The following AFG1L variants were observed in gnomAD, a reference collection of about 807,000 sequenced individuals.
AFG1L encodes the protein AFG1-like ATPase.
A neutral mutation model predicts 62.2 loss-of-function variants in AFG1L; 53 were observed. The observed-to-expected ratio is 0.85, with a 90% CI of 0.68 to 1.07. The LOEUF (loss-of-function observed/expected upper bound fraction) is 1.07. Ranked by LOEUF, AFG1L falls within the 50% of genes least tolerant of loss-of-function variation. AFG1L has a pLI of 0.00. For missense variants in AFG1L, 555 were observed against 590.5 expected (o/e 0.94, Z 0.62); for synonymous variants, 228 against 210.3 (o/e 1.08, Z -0.73).
At chr6:108,327,876 T>C (rs1472407935) in intron 2 of AFG1L, among the ~76,000 whole-genome samples, 1 of 152,212 alleles carries the variant, frequency 6.6e-6, no homozygotes, top group Non-Finnish European at 1.5e-5. Context: ...AGCTTTCACA[T>C]TGGGTTTCTT....
At chr6:108,469,352 A>G (rs1772796796) in intron 8 of AFG1L, among the ~76,000 whole-genome samples, 1 of 152,078 alleles carries the variant, frequency 6.6e-6, no homozygotes, top group African/African-American at 2.4e-5. Context: ...AGGATTTTAT[A>G]CAACTCAAGG....
chr6:108,422,713 G>A (rs1171365790), intron 7 of AFG1L, among the ~76,000 whole-genome samples: 5 of 151,774 alleles, frequency 3.3e-5, no homozygotes, highest in African/African-American at 7.2e-5. Context: ...TCAGGTTTCC[G>A]TCTAATTAAT....
In AFG1L at chr6:108,461,678, C is replaced by T. The variant is rs1772466883; in HGVS notation, c.890+14382C>T. On this transcript the variant is annotated intron_variant, in intron 8 of 12. Coordinates refer to ENST00000368977, the MANE Select transcript of AFG1L (RefSeq NM_145315.5). Reference sequence around the variant, plus strand: ...TTTACTGTGTTGCCCAGGCTGGTCTCAAATTCTTGGCCTCAAGCAATCCAC... The same window carrying T: ...TTTACTGTGTTGCCCAGGCTGGTCTTAAATTCTTGGCCTCAAGCAATCCAC... Among the ~76,000 whole-genome samples the T allele has an allele frequency of 2.0e-5, 3 of 152,160 alleles. No individual in the cohort carries two copies. In the South Asian group the frequency reaches 6.2e-4, roughly 32 times the overall value.
chr6:108,403,102 A>G (rs1781702253), intron 7 of AFG1L, among the ~76,000 whole-genome samples: 1 of 152,322 alleles, frequency 6.6e-6, no homozygotes, highest in East Asian at 1.9e-4. Context: ...AATGGATAAT[A>G]GAATTATGAA....
chr6:108,459,272 G>T (rs780151258), intron 8 of AFG1L, among the ~76,000 whole-genome samples: 1 of 152,104 alleles, frequency 6.6e-6, no homozygotes, highest in African/African-American at 2.4e-5. Context: ...TTCTAGCTGT[G>T]CTAGCCTCCC....
chr6:108,424,892 T>C (rs1770746024), intron 7 of AFG1L, among the ~76,000 whole-genome samples: 1 of 152,128 alleles, frequency 6.6e-6, no homozygotes, highest in African/African-American at 2.4e-5. Flanking sequence ...TTGTTTTCTT[T>C]ATATAAATGT....
intron 8 of AFG1L, among the ~76,000 whole-genome samples, chr6:108,471,197 G>C (rs1428835063): frequency 6.6e-6 from 1 of 152,104 alleles, no homozygotes; most frequent in Non-Finnish European, 1.5e-5. Flanking sequence ...TCTTTCTTGA[G>C]GGTGAGATTT....
At chr6:108,520,105 T>C (rs1775066485) in intron 12 of AFG1L, 1 of 241,288 alleles carries the variant, frequency 4.1e-6, no homozygotes, top group Non-Finnish European at 8.2e-6. Flanking sequence ...TGCTGAATAA[T>C]GGCAGGCCAG....
At chr6:108,508,945 G>A (rs1289113151) in intron 10 of AFG1L, among the ~76,000 whole-genome samples, 2 of 152,196 alleles carry the variant, frequency 1.3e-5, no homozygotes, top group Admixed American at 6.5e-5. Context: ...CTGTGTCCTA[G>A]AGGTCGATCA....
intron 1 of AFG1L, among the ~76,000 whole-genome samples, chr6:108,305,485 A>T (rs920003841): frequency 6.6e-6 from 1 of 152,152 alleles, no homozygotes; most frequent in African/African-American, 2.4e-5. Flanking sequence ...TTCTGGGCTC[A>T]TGTGAGCCTC....
intron 10 of AFG1L, among the ~76,000 whole-genome samples, chr6:108,490,964 C>T (rs1464391263): frequency 6.6e-6 from 1 of 152,162 alleles, no homozygotes; most frequent in Non-Finnish European, 1.5e-5. Context: ...TTTTATTTCC[C>T]TGATTCTCTT....
At chr6:108,425,432 G>C (rs1393762308) in intron 7 of AFG1L, among the ~76,000 whole-genome samples, 1 of 152,060 alleles carries the variant, frequency 6.6e-6, no homozygotes, top group African/African-American at 2.4e-5. Flanking sequence ...GTGTGTGTGT[G>C]TATGTGTATA....
At chr6:108,398,197 T>C (rs1402802874) in intron 6 of AFG1L, among the ~76,000 whole-genome samples, 1 of 152,250 alleles carries the variant, frequency 6.6e-6, no homozygotes, top group Non-Finnish European at 1.5e-5. Context: ...ATTTCTCTTA[T>C]GATCAATGAT....
intron 10 of AFG1L, among the ~76,000 whole-genome samples, chr6:108,506,131 C>T (rs1774410404): frequency 6.6e-6 from 1 of 152,176 alleles, no homozygotes; most frequent in African/African-American, 2.4e-5. Context: ...CTTCCACAGA[C>T]ACCAAATCTG....
chr6:108,496,512 G>C (rs1773980926), intron 10 of AFG1L, among the ~76,000 whole-genome samples: 1 of 152,148 alleles, frequency 6.6e-6, no homozygotes, highest in Non-Finnish European at 1.5e-5. Flanking sequence ...GCTCCTCAAG[G>C]TCTTTAGTAT....
At chr6:108,460,012 A>G (rs143700916) in intron 8 of AFG1L, among the ~76,000 whole-genome samples, 90 of 151,048 alleles carry the variant, frequency 6.0e-4, no homozygotes, top group African/African-American at 1.9e-3. Flanking sequence ...ATTACAGTGC[A>G]TGGGCCTTAT....
intron 2 of AFG1L, among the ~76,000 whole-genome samples, chr6:108,326,078 A>G (rs770624086): frequency 6.6e-6 from 1 of 150,434 alleles, no homozygotes; most frequent in Non-Finnish European, 1.5e-5. Flanking sequence ...TGCCTGGCCT[A>G]TTTTTTTTTG....
intron 1 of AFG1L, among the ~76,000 whole-genome samples, chr6:108,312,868 C>T (rs1346839059): frequency 6.6e-6 from 1 of 151,968 alleles, no homozygotes; most frequent in Non-Finnish European, 1.5e-5. Flanking sequence ...AACTCCTGTG[C>T]TCTAGTGATC....
chr6:108,395,287 A>G lies in AFG1L; in HGVS notation c.749-6709A>G, dbSNP rs544683870. ...TATCATAGTTATCGAATTTTCTCTAAACAAGGAAATATGGAAAAAATCCCA... is the reference window on the plus strand; with the variant it reads ...TATCATAGTTATCGAATTTTCTCTAGACAAGGAAATATGGAAAAAATCCCA... On this transcript the variant is annotated intron_variant, in intron 6 of 12. Transcript: ENST00000368977. Among the ~76,000 whole-genome samples the G allele has an allele frequency of 2.6e-5, 4 of 152,230 alleles. No individual in the cohort carries two copies. The South Asian group carries it at 8.3e-4, about 32-fold the overall frequency.
Sources: allele counts gnomAD v4.1 joint callset (sites outside exome capture counted in the v4.1 genomes callset), GRCh38; gene constraint gnomAD v4.1.1; transcripts MANE v1.5; gene names NCBI Gene and HGNC (gene_info 2026-07-23, HGNC 2026-07-21).